CADPS: variants seen among roughly 807,000 people sequenced by gnomAD.
CADPS encodes calcium dependent secretion activator.
A neutral mutation model predicts 167.3 loss-of-function variants in CADPS; 57 were observed. The ratio of observed to expected loss-of-function variants is 0.34; its 90% CI spans 0.28 to 0.42. CADPS has a LOEUF of 0.42. CADPS is among the 20% of genes least tolerant of loss of function. The pLI, the probability that CADPS is intolerant of heterozygous loss-of-function variation, is 1.00. For missense variants in CADPS, 1,414 were observed against 1,738.1 expected (o/e 0.81, Z 3.32); for synonymous variants, 676 against 635.3 (o/e 1.06, Z -0.96).
At chr3:62,810,138 T>C (rs1231125106) in intron 1 of CADPS, among the ~76,000 whole-genome samples, 1 of 152,118 alleles carries the variant, frequency 6.6e-6, no homozygotes. Context: ...GGAAATGACC[T>C]TCCCTAAGAT....
intron 3 of CADPS, among the ~76,000 whole-genome samples, chr3:62,748,597 TATC>T (rs1435637791): frequency 1.3e-5 from 2 of 152,164 alleles, no homozygotes; most frequent in African/African-American, 4.8e-5. Context: ...TGTTTTTAAA[TATC>T]ATATCGTCAT....
At chr3:62,681,986 T>C (rs1331528095) in intron 3 of CADPS, among the ~76,000 whole-genome samples, 2 of 152,124 alleles carry the variant, frequency 1.3e-5, no homozygotes, top group African/African-American at 4.8e-5. Flanking sequence ...ATTGTGTCTG[T>C]ATCTGTTGAT....
At chr3:62,576,788 TAAAAAAAAA>T (rs138055445) in intron 8 of CADPS, among the ~76,000 whole-genome samples, 2 of 29,876 alleles carry the variant, frequency 6.7e-5, no homozygotes, top group African/African-American at 2.4e-4. Flanking sequence ...AGACTCTGTC[TAAAAAAAAA>T]AAAAAAAAAA....
At chr3:62,658,106 C>A (rs1291102712) in intron 4 of CADPS, among the ~76,000 whole-genome samples, 1 of 152,094 alleles carries the variant, frequency 6.6e-6, no homozygotes, top group Non-Finnish European at 1.5e-5. Flanking sequence ...TAACTTCCTG[C>A]CTTTCTTCTG....
chr3:62,606,787 A>G (rs933854939), intron 6 of CADPS, among the ~76,000 whole-genome samples: 2 of 152,208 alleles, frequency 1.3e-5, no homozygotes, highest in African/African-American at 2.4e-5. Context: ...TTTGTCACCA[A>G]TGTGAGCAAA....
chr3:62,846,650 T>C (rs570837310), intron 1 of CADPS, among the ~76,000 whole-genome samples: 10 of 152,204 alleles, frequency 6.6e-5, no homozygotes, highest in African/African-American at 2.4e-4. Flanking sequence ...TTTTTGTTTG[T>C]TTTTTGGTAT....
intron 3 of CADPS, among the ~76,000 whole-genome samples, chr3:62,664,800 T>G (rs1390063140): frequency 6.6e-6 from 1 of 152,212 alleles, no homozygotes; most frequent in Non-Finnish European, 1.5e-5. Context: ...TTACTAAATT[T>G]TCCAGAGGCA....
At chr3:62,449,294 TG>T (rs1478915778) in intron 26 of CADPS, among the ~76,000 whole-genome samples, 24 of 152,322 alleles carry the variant, frequency 1.6e-4, no homozygotes, top group African/African-American at 5.8e-4. Context: ...TCTTTGGATT[TG>T]TTTCTTTACC....
At chr3:62,554,303 C>T (rs748128861) in intron 10 of CADPS, among the ~76,000 whole-genome samples, 91 of 152,214 alleles carry the variant, frequency 6.0e-4, no homozygotes, top group Non-Finnish European at 1.1e-3. Context: ...CAAATGAACA[C>T]GTCAAGGACC....
At position 62,585,273 on chromosome 3, in the gene CADPS, T is replaced by C; in HGVS notation, c.1489A>G (p.Met497Val). 6.2e-7 allele frequency: 1 copy of C among 1,613,972 alleles called. No homozygotes were observed. The highest frequency in any genetic ancestry group is 1.1e-5 in the South Asian group (1 of 91,058). The change falls in exon 8 of 30, where the codon ATG (methionine) becomes GTG (valine). Residue 497 changes from methionine (M) to valine (V), a missense_variant. Met to Val is a conservative substitution (Grantham distance 21). Around this residue, in one of 6 missense-constraint regions of CADPS, gnomAD observed 157 missense variants for 229.4 expected, o/e 0.68. Coordinates refer to ENST00000383710, the MANE Select transcript of CADPS (RefSeq NM_003716.4). ...NSPKQSEWHK[M>V]TVSKNCPDQD... ...TCGGGGCAGTTTTTGGAGACTGTCA[T>C]TTTGTGCCACTCTGACTGTTTGGGG...
chr3:62,863,801 G>T (rs2081231025), intron 1 of CADPS, among the ~76,000 whole-genome samples: 3 of 152,224 alleles, frequency 2.0e-5, no homozygotes, highest in Admixed American at 2.0e-4. Context: ...AACAATAAAA[G>T]ATTTTAAGAT....
chr3:62,742,590 T>C (rs1209843473), intron 3 of CADPS, among the ~76,000 whole-genome samples: 1 of 152,200 alleles, frequency 6.6e-6, no homozygotes, highest in African/African-American at 2.4e-5. Flanking sequence ...AGATTGAAAC[T>C]GGACACCTTC....
chr3:62,526,392 T>C (rs898117084), intron 13 of CADPS, among the ~76,000 whole-genome samples: 1 of 152,194 alleles, frequency 6.6e-6, no homozygotes, highest in Non-Finnish European at 1.5e-5. Flanking sequence ...ACAGGCCATA[T>C]GTGAAGAGCA....
At chr3:62,566,528 G>A (rs1223094409) in intron 9 of CADPS, among the ~76,000 whole-genome samples, 1 of 152,178 alleles carries the variant, frequency 6.6e-6, no homozygotes, top group Non-Finnish European at 1.5e-5. Context: ...TTCAAAGGGA[G>A]TGTGTTTTTT....
intron 9 of CADPS, among the ~76,000 whole-genome samples, chr3:62,558,423 T>C (rs533583574): frequency 6.6e-6 from 1 of 152,218 alleles, no homozygotes; most frequent in Non-Finnish European, 1.5e-5. Flanking sequence ...AAAGCAAGCA[T>C]CCTCCTAGCT....
At chr3:62,804,234 T>C (rs2093950556) in intron 1 of CADPS, among the ~76,000 whole-genome samples, 1 of 152,110 alleles carries the variant, frequency 6.6e-6, no homozygotes, top group African/African-American at 2.4e-5. Context: ...GATGAATGAA[T>C]GGACAGATAA....
intron 28 of CADPS, among the ~76,000 whole-genome samples, chr3:62,413,176 A>G (rs923199462): frequency 1.3e-5 from 2 of 152,224 alleles, no homozygotes; most frequent in African/African-American, 2.4e-5. Flanking sequence ...ATTTTCAGTT[A>G]GGAATACTAC....
In CADPS at chr3:62,704,299, A is replaced by C. The variant is rs539974912; in HGVS notation, c.889-41905T>G. The stretch of plus-strand genomic sequence containing the variant: ...TAACTTCATTCTTCATTACCCTCAC[A>C]GAATATTCCTTCCCTGCTCTCTGAA... On this transcript the variant is annotated intron_variant, in intron 3 of 29. Coordinates refer to ENST00000383710, the MANE Select transcript of CADPS (RefSeq NM_003716.4). 9.2e-5 allele frequency among the ~76,000 whole-genome samples: 14 copies of C among 152,260 alleles called. No individual in the cohort carries two copies. In the East Asian group the frequency reaches 2.7e-3, roughly 29 times the overall value.
At chr3:62,504,935 C>T (rs2066392586) in intron 17 of CADPS, among the ~76,000 whole-genome samples, 1 of 152,142 alleles carries the variant, frequency 6.6e-6, no homozygotes, top group Admixed American at 6.5e-5. Context: ...CCTGAAATAT[C>T]ATATGAGAGA....
Sources: gnomAD v4.1 joint callset for allele counts (sites outside exome capture counted in the v4.1 genomes callset) on GRCh38, gnomAD v4.1.1 for gene constraint, gnomAD v4.1.1 regional missense constraint, MANE v1.5 for transcripts, NCBI Gene and HGNC (gene_info 2026-07-23, HGNC 2026-07-21) for gene names.